CFH: variants seen among roughly 807,000 people sequenced by gnomAD.
CFH encodes the protein complement factor H.
CFH carries 53 observed loss-of-function variants against 147.3 expected under a neutral mutation model. That is an observed-to-expected ratio of 0.36 (90% confidence interval 0.29 to 0.45). CFH has a LOEUF of 0.45. CFH is among the 20% of genes least tolerant of loss of function. The probability of loss-of-function intolerance (pLI) is 1.00; values close to 1 mark genes in which losing one functional copy is unlikely to be tolerated. For missense variants in CFH, 1,380 were observed against 1,498.0 expected, an observed-to-expected ratio of 0.92 and a Z score of 1.30; for synonymous variants, 536 against 489.4, an observed-to-expected ratio of 1.10 and a Z score of -1.26.
chr1:196,728,623 A>G (rs111492337), intron 15 of CFH, 101 bp downstream of exon 15: 10 of 1,121,512 alleles, frequency 8.9e-6, no homozygotes, highest in African/African-American at 4.7e-5. Context: ...ATTATTACAA[A>G]TGCTACTGAA....
chr1:196,683,111 A>T (rs117342218), intron 6 of CFH, among the ~76,000 whole-genome samples: 1 of 151,354 alleles, frequency 6.6e-6, no homozygotes, highest in Non-Finnish European at 1.5e-5. Context: ...AGTAAAGTAC[A>T]AGAGGAGAAG....
rs893720805 is a variant in CFH at position 196,737,659 on chromosome 1, A to C, written c.2781A>C (p.Glu927Asp). Residue 927 changes from glutamate to aspartate, a missense_variant and splice_region_variant, in exon 17 of 22, where the codon GAA becomes GAC. Transcript: ENST00000367429. ...MGKWSSPPQC[E>D]GLPCKSPPEI... ...AATGGAGTTCTCCACCTCAGTGTGA[A>C]GGTTAGGCCAATATGAATACTCAAT... 2 of 1,612,698 alleles carry C rather than the reference A, an allele frequency of 1.2e-6. No individual in the cohort carries two copies. The highest frequency in any genetic ancestry group is 2.2e-5 in the East Asian group (1 of 44,718).
chr1:196,708,958 G>T (rs190368786), intron 9 of CFH, among the ~76,000 whole-genome samples: 1 of 152,212 alleles, frequency 6.6e-6, no homozygotes, highest in Admixed American at 6.6e-5. Context: ...TTGCAAAAGA[G>T]GCTGCTAAGA....
At chr1:196,738,746 A>G (rs1337134918) in intron 17 of CFH, among the ~76,000 whole-genome samples, 5 of 152,034 alleles carry the variant, frequency 3.3e-5, no homozygotes, top group Non-Finnish European at 7.4e-5. Context: ...CAAGCTATTG[A>G]TGGATCTACC....
At chr1:196,732,408 TGA>T in intron 15 of CFH, among the ~76,000 whole-genome samples, 1 of 152,210 alleles carries the variant, frequency 6.6e-6, no homozygotes, top group South Asian at 2.1e-4. Flanking sequence ...TTGGTCTCAG[TGA>T]GTATCTTTAT....
chr1:196,717,391 G>T (rs1668896123), intron 11 of CFH, among the ~76,000 whole-genome samples: 1 of 152,040 alleles, frequency 6.6e-6, no homozygotes, highest in African/African-American at 2.4e-5. Context: ...TAAAGTCAAA[G>T]AAGTTGTAAT....
chr1:196,734,697 G>T (rs1267523163), intron 15 of CFH, among the ~76,000 whole-genome samples: 1 of 151,940 alleles, frequency 6.6e-6, no homozygotes, highest in Non-Finnish European at 1.5e-5. Flanking sequence ...TACTGGCATC[G>T]TGCTGATGTC....
At chr1:196,693,287 T>C (rs548217540) in intron 9 of CFH, among the ~76,000 whole-genome samples, 1 of 152,220 alleles carries the variant, frequency 6.6e-6, no homozygotes, top group African/African-American at 2.4e-5. Context: ...AAAATAGTCA[T>C]TTAAATAAAA....
At chr1:196,706,654 C>T (rs1419856673) in intron 9 of CFH, among the ~76,000 whole-genome samples, 1 of 152,206 alleles carries the variant, frequency 6.6e-6, no homozygotes, top group African/African-American at 2.4e-5. Flanking sequence ...TCATCAAACA[C>T]ATACATGATA....
intron 11 of CFH, among the ~76,000 whole-genome samples, chr1:196,724,848 G>A (rs936357080): frequency 2.0e-5 from 3 of 152,026 alleles, no homozygotes; most frequent in Admixed American, 6.6e-5. Context: ...ATTAATGTCA[G>A]TGATTAAAAC....
chr1:196,679,748 G>A lies in CFH; in HGVS notation c.745G>A (p.Ala249Thr). 6.2e-7 allele frequency: 1 copy of A among 1,611,778 alleles called. No individual in the cohort carries two copies. Among genetic ancestry groups the A allele is most frequent in the Non-Finnish European group, 8.5e-7 (1 of 1,178,480 alleles). Residue 249 changes from alanine (A) to threonine (T), a missense_variant, in exon 6 of 22, where the codon GCT becomes ACT. Around this residue, in one of 4 missense-constraint regions of CFH, gnomAD observed 167 missense variants for 228.0 expected, o/e 0.73. Coordinates refer to ENST00000367429, the MANE Select transcript of CFH (RefSeq NM_000186.4). ...TTATGAATACAGTGAAAGAGGAGATGCTGTATGCACTGAATCTGGATGGCG... is the reference window on the plus strand; with the variant it reads ...TTATGAATACAGTGAAAGAGGAGATACTGTATGCACTGAATCTGGATGGCG... ...MGYEYSERGD[A>T]VCTESGWRPL...
intron 12 of CFH, among the ~76,000 whole-genome samples, chr1:196,725,795 G>C (rs1349407216): frequency 1.3e-5 from 2 of 152,088 alleles, no homozygotes; most frequent in African/African-American, 4.8e-5. Context: ...AGCTAATAGA[G>C]TGAGAACTCA....
chr1:196,730,131 A>G (rs1279668949), intron 15 of CFH, among the ~76,000 whole-genome samples: 1 of 151,530 alleles, frequency 6.6e-6, no homozygotes, highest in Non-Finnish European at 1.5e-5. Context: ...TTTGGAATTG[A>G]CTAGTTTGTT....
chr1:196,690,511 C>G (rs1368200439), intron 9 of CFH: 2 of 467,872 alleles, frequency 4.3e-6, no homozygotes, highest in African/African-American at 2.0e-5. Context: ...TAAATGAAGT[C>G]GTATTGAAGC....
At chr1:196,705,446 A>G (rs1668564474) in intron 9 of CFH, among the ~76,000 whole-genome samples, 1 of 152,114 alleles carries the variant, frequency 6.6e-6, no homozygotes, top group African/African-American at 2.4e-5. Context: ...AAATGTCTCT[A>G]TGAAGCCCTA....
intron 1 of CFH, among the ~76,000 whole-genome samples, chr1:196,670,211 C>T (rs1667230431): frequency 6.6e-6 from 1 of 152,110 alleles, no homozygotes; most frequent in Non-Finnish European, 1.5e-5. Flanking sequence ...GTGGAAGGGA[C>T]TTGCCTTGTC....
At chr1:196,674,007 T>C in intron 3 of CFH, 45 bp downstream of exon 3, 1 of 1,255,742 alleles carries the variant, frequency 8.0e-7, no homozygotes, top group Non-Finnish European at 1.2e-6. Context: ...AGATAGTAAA[T>C]AGGAACTCTA....
intron 14 of CFH, among the ~76,000 whole-genome samples, chr1:196,727,488 C>T (rs918914984): frequency 2.6e-5 from 4 of 151,992 alleles, no homozygotes; most frequent in Non-Finnish European, 5.9e-5. Flanking sequence ...CAGAGTAAGA[C>T]TCTTTCTTTA....
In CFH at chr1:196,747,493, C is replaced by T. The variant is rs538492159; in HGVS notation, c.*180C>T. 4 of 861,800 alleles carry T rather than the reference C, an allele frequency of 4.6e-6. No individual in the cohort carries two copies. Among genetic ancestry groups the T allele is most frequent in the East Asian group, 2.7e-5 (1 of 37,458 alleles). The allele number at this position is 861,800 out of a possible 1,614,324, so 53.4% of individuals were successfully genotyped here. ...CTTCTTAAAAGCACCATATTAAATC[C>T]TGGAAAACTAACGGTTGTGTCCAGT... On this transcript the variant is annotated 3_prime_UTR_variant, in exon 22 of 22. Transcript: ENST00000367429.
Sources: allele counts gnomAD v4.1 joint callset (sites outside exome capture counted in the v4.1 genomes callset), GRCh38; gene constraint gnomAD v4.1.1; regional missense constraint gnomAD v4.1.1; transcripts MANE v1.5; gene names NCBI Gene and HGNC (gene_info 2026-07-23, HGNC 2026-07-21).